The following CHD2 variants were observed in gnomAD, a reference collection of about 807,000 sequenced individuals.
CHD2 encodes ATP-dependent chromatin remodeler CHD2.
A neutral mutation model predicts 243.9 loss-of-function variants in CHD2; 28 were observed. The ratio of observed to expected loss-of-function variants is 0.11; its 90% CI spans 0.09 to 0.16. CHD2 has a LOEUF of 0.16. CHD2 is among the 10% of genes least tolerant of loss of function. The probability of loss-of-function intolerance (pLI) is 1.00; values close to 1 mark genes in which losing one functional copy is unlikely to be tolerated. For missense variants in CHD2, 1,386 were observed against 2,209.8 expected (o/e 0.63, Z 7.47); for synonymous variants, 775 against 779.0 (o/e 0.99, Z 0.09).
chr15:92,945,708 T>TC, intron 10 of CHD2, 113 bp from the exon 11 acceptor site: 1 of 624,496 alleles, frequency 1.6e-6, no homozygotes, highest in Non-Finnish European at 2.6e-6. Context: ...TTTTTTTTTT[T>TC]CTTTTTTAAG....
rs1474596513 is a variant in CHD2 at position 92,904,907 on chromosome 15, C to T, written c.62+3608C>T. The T allele has an allele frequency of 5.2e-6, 8 of 1,535,734 alleles. 1 individual carries two copies. Among genetic ancestry groups the T allele is most frequent in the East Asian group, 4.9e-5 (2 of 40,924 alleles). Reference sequence around the variant, plus strand: ...GACGGGTGTTAACAGCTGTTTAATACATGGCTCATAAACAAAGGGAAGATT... The same window carrying T: ...GACGGGTGTTAACAGCTGTTTAATATATGGCTCATAAACAAAGGGAAGATT... On this transcript the variant is annotated intron_variant, in intron 2 of 38. Transcript: ENST00000394196.
At chr15:93,019,162 G>T (rs1406609887) in intron 37 of CHD2, among the ~76,000 whole-genome samples, 1 of 152,198 alleles carries the variant, frequency 6.6e-6, no homozygotes, top group Non-Finnish European at 1.5e-5. Context: ...ATTTTTGTGT[G>T]TGTGTGCAGA....
intron 3 of CHD2, among the ~76,000 whole-genome samples, chr15:92,926,049 GC>G (rs1188628996): frequency 6.6e-6 from 1 of 152,168 alleles, no homozygotes; most frequent in Non-Finnish European, 1.5e-5. Flanking sequence ...ACAGCTCACT[GC>G]AGCCTTGATC....
chr15:92,957,946 C>G (rs1470756241), intron 16 of CHD2, among the ~76,000 whole-genome samples: 1 of 152,102 alleles, frequency 6.6e-6, no homozygotes, highest in Non-Finnish European at 1.5e-5. Flanking sequence ...GCTTCCTTCA[C>G]TTAGCATATT....
chr15:92,958,017 T>C (rs1335089763), intron 16 of CHD2, among the ~76,000 whole-genome samples: 1 of 152,220 alleles, frequency 6.6e-6, no homozygotes, highest in Non-Finnish European at 1.5e-5. Flanking sequence ...TTGGGTAATA[T>C]TTCATTGCAT....
intron 5 of CHD2, among the ~76,000 whole-genome samples, chr15:92,932,623 G>A (rs1312048499): frequency 6.6e-6 from 1 of 152,086 alleles, no homozygotes; most frequent in East Asian, 1.9e-4. Context: ...GGACATGTCT[G>A]ATTTCTTTAA....
intron 2 of CHD2, among the ~76,000 whole-genome samples, chr15:92,913,652 G>A (rs2052782419): frequency 6.6e-6 from 1 of 152,190 alleles, no homozygotes; most frequent in East Asian, 1.9e-4. Context: ...AGGAGTTCGA[G>A]ACCAGCTTGG....
intron 13 of CHD2, 39 bp downstream of exon 13, chr15:92,949,115 T>G: frequency 1.9e-6 from 3 of 1,594,190 alleles, no homozygotes; most frequent in Non-Finnish European, 2.6e-6. Flanking sequence ...CCTTACTGTT[T>G]CTGGCTTCTT....
chr15:92,933,517 C>T lies in CHD2; in HGVS notation c.444-4001C>T, dbSNP rs1032630315. Among the ~76,000 whole-genome samples the T allele has an allele frequency of 2.0e-5, 3 of 152,162 alleles. No individual in the cohort carries two copies. The East Asian group carries it at 5.8e-4, about 29-fold the overall frequency. On this transcript the variant is annotated intron_variant, in intron 5 of 38. Transcript: ENST00000394196. ...CAACTCAGATGCTGTTTTGATTAAA[C>T]TCTTTTTTTCATGCATTACCTCTTA...
Position 92,998,418 on chromosome 15 carries a change from G to A in CHD2, c.3886-81G>A. The A allele has an allele frequency of 1.3e-6, 2 of 1,576,592 alleles. No individual in the cohort carries two copies. Among genetic ancestry groups the A allele is most frequent in the African/African-American group, 1.4e-5 (1 of 74,010 alleles). On this transcript the variant is annotated intron_variant, in intron 30 of 38. Coordinates refer to ENST00000394196, the MANE Select transcript of CHD2 (RefSeq NM_001271.4). This position sits in a 1 kb window ranked among gnomAD's most constrained non-coding sequence, Gnocchi z 5.1. ...TTGGGGAGGGAAAGGACTGTGCTCA[G>A]TTTTTGTTGTCTCTGTTTATCCTGA...
rs2053019005 is a variant in CHD2 at position 92,924,467 on chromosome 15, C to T, written c.209C>T (p.Ser70Leu). The T allele has an allele frequency of 6.2e-7, 1 of 1,614,024 alleles. No individual in the cohort carries two copies. The highest frequency in any genetic ancestry group is 8.5e-7 in the Non-Finnish European group (1 of 1,180,024). Reference protein sequence around the residue: ...SESQSESESESAGSKSQPVLP... With the variant: ...SESQSESESELAGSKSQPVLP... ...AGTCAGTCGGAATCTGAGAGCGAAT[C>T]AGCAGGTTCCAAATCCCAGCCAGTC... is the stretch of plus-strand genomic sequence containing the variant. The change falls in exon 3 of 39, where the codon TCA (serine) becomes TTA (leucine). Residue 70 changes from serine to leucine, a missense_variant. Ser to Leu is a moderately radical substitution (Grantham distance 145). This residue lies in a region of CHD2 where 89 missense variants were observed against 102.4 expected (regional missense o/e 0.87). Transcript: ENST00000394196.
chr15:92,984,267 AT>A, intron 24 of CHD2, 62 bp from the exon 25 acceptor site: 3 of 1,291,422 alleles, frequency 2.3e-6, no homozygotes, highest in Non-Finnish European at 3.1e-6. Context: ...CACTGGATAA[AT>A]TGTTTTAGTA....
intron 35 of CHD2, among the ~76,000 whole-genome samples, chr15:93,010,762 CTCTT>C (rs2054382908): frequency 6.6e-6 from 1 of 152,206 alleles, no homozygotes; most frequent in Non-Finnish European, 1.5e-5. Context: ...AACATTAAAT[CTCTT>C]TCCATTAATC....
At chr15:92,960,705 GTTTT>G (rs71467745) in intron 16 of CHD2, among the ~76,000 whole-genome samples, 1 of 51,450 alleles carries the variant, frequency 1.9e-5, no homozygotes, top group Non-Finnish European at 3.7e-5. Context: ...TCTGTTTGGT[GTTTT>G]TTTTTTTTTT....
rs1361428334 is a variant in CHD2 at position 92,965,593 on chromosome 15, A to AC, written c.2001-1732_2001-1731insC. Among the ~76,000 whole-genome samples the AC allele has an allele frequency of 2.7e-3, 370 of 135,300 alleles. 3 individuals carry two copies. Among genetic ancestry groups the AC allele is most frequent in the Middle Eastern group, 7.7e-3 (2 of 260 alleles). 88.8% of individuals were successfully genotyped at this position (135,300 alleles called of 152,430 possible). A position where few individuals can be genotyped will look rare whatever the true frequency, so the allele number is the denominator to read the frequency against. On this transcript the variant is annotated intron_variant, in intron 16 of 38. Coordinates refer to ENST00000394196, the MANE Select transcript of CHD2 (RefSeq NM_001271.4). The stretch of plus-strand genomic sequence containing the variant: ...AAAAAAAAAAAAAAAAAAAAAAAAA[A>AC]AACCAACTCAGAATCTGATGGTAAA...
intron 31 of CHD2, among the ~76,000 whole-genome samples, chr15:92,999,529 T>C (rs2054227793): frequency 6.6e-6 from 1 of 152,258 alleles, no homozygotes; most frequent in African/African-American, 2.4e-5. Flanking sequence ...AGTTACACCC[T>C]GTACTAGCAG....
Position 92,942,987 on chromosome 15 carries a change from A to G in CHD2, c.971A>G (p.Glu324Gly). 6.2e-7 allele frequency: 1 copy of G among 1,614,128 alleles called. No homozygotes were observed. The highest frequency in any genetic ancestry group is 1.1e-5 in the South Asian group (1 of 91,082). Reference sequence around the variant, plus strand: ...TACATCCACAGCACATGGGAGAGTGAAGAATCCTTACAGCAACAGAAAGTG... The same window carrying G: ...TACATCCACAGCACATGGGAGAGTGGAGAATCCTTACAGCAACAGAAAGTG... ...WSYIHSTWES[E>G]ESLQQQKVKG... The change falls in exon 9 of 39, where the codon GAA becomes GGA. Residue 324 changes from glutamate (E) to glycine (G), a missense_variant. Transcript: ENST00000394196.
chr15:92,979,268 A>G lies in CHD2; in HGVS notation c.2861A>G (p.Asn954Ser). The part of the protein sequence containing the change: ...DTTGRTILEN[N>S]SGRSNSNPFN... ...ACTGGCCGGACGATCCTGGAAAACA[A>G]CTCAGGAAGGTCCAAGTAAGTGCCA... Residue 954 changes from asparagine to serine, a missense_variant, in exon 22 of 39, where the codon AAC (asparagine) becomes AGC (serine). Physicochemically the swap from Asn to Ser is conservative, Grantham distance 46. Around this residue, in one of 19 missense-constraint regions of CHD2, gnomAD observed 99 missense variants for 206.4 expected, o/e 0.48. Coordinates refer to ENST00000394196, the MANE Select transcript of CHD2 (RefSeq NM_001271.4). 6.2e-7 allele frequency: 1 copy of G among 1,613,968 alleles called. No homozygotes were observed. Among genetic ancestry groups the G allele is most frequent in the Non-Finnish European group, 8.5e-7 (1 of 1,179,940 alleles).
rs765784453 is a variant in CHD2 at position 93,004,796 on chromosome 15, C to G, written c.4413+45C>G. On this transcript the variant is annotated intron_variant, in intron 34 of 38. Coordinates refer to ENST00000394196, the MANE Select transcript of CHD2 (RefSeq NM_001271.4). Reference sequence around the variant, plus strand: ...GGTGCCAGTGTCTGCAGCCGCGGTACTTGCTGTGGCTCTGCCTTTTATAGG... The same window carrying G: ...GGTGCCAGTGTCTGCAGCCGCGGTAGTTGCTGTGGCTCTGCCTTTTATAGG... The G allele has an allele frequency of 6.3e-6, 10 of 1,590,090 alleles. No individual in the cohort carries two copies. The South Asian group carries it at 9.1e-5, about 15-fold the overall frequency.
Sources: gnomAD v4.1 joint callset for allele counts (sites outside exome capture counted in the v4.1 genomes callset) on GRCh38, gnomAD v4.1.1 for gene constraint, gnomAD v4.1.1 regional missense constraint, Gnocchi (gnomAD v3.1) non-coding constraint, MANE v1.5 for transcripts, NCBI Gene and HGNC (gene_info 2026-07-23, HGNC 2026-07-21) for gene names.